TENM3: variants seen among roughly 807,000 people sequenced by gnomAD.
TENM3 encodes teneurin transmembrane protein 3.
Under a neutral mutation model 255.1 loss-of-function variants are expected in TENM3, and 63 were observed. The observed-to-expected ratio is 0.25, with a 90% confidence interval of 0.20 to 0.30. TENM3 has a LOEUF of 0.30. Ranked by LOEUF, TENM3 falls within the 10% of genes least tolerant of loss-of-function variation. The pLI is 1.00. For missense variants in TENM3, 2,929 were observed against 3,461.1 expected (o/e 0.85, Z 3.86); for synonymous variants, 1,306 against 1,322.3 (o/e 0.99, Z 0.27).
chr4:182,031,593 T>C, the TENM3 span, among the ~76,000 whole-genome samples: 3 of 152,216 alleles, frequency 2.0e-5, no homozygotes, highest in South Asian at 2.1e-4. Flanking sequence ...GTGAAGAATA[T>C]CAATGGTAGT....
At chr4:181,838,784 A>G in the TENM3 span, among the ~76,000 whole-genome samples, 1 of 151,916 alleles carries the variant, frequency 6.6e-6, no homozygotes, top group Non-Finnish European at 1.5e-5. Context: ...TTATCCTGAA[A>G]AATTGCTAGG....
At chr4:182,340,734 A>T (rs34287492) in intron 2 of TENM3, among the ~76,000 whole-genome samples, 16,934 of 152,196 alleles carry the variant, frequency 0.11, 1,120 homozygotes, top group African/African-American at 0.18. Context: ...GAACTCTGGA[A>T]GACATGGTGG....
the TENM3 span, among the ~76,000 whole-genome samples, chr4:181,576,795 T>A: frequency 1.3e-5 from 2 of 148,856 alleles, no homozygotes; most frequent in African/African-American, 4.9e-5. Context: ...ATTTTTCTTT[T>A]TCTTTTCTTT....
At chr4:181,706,559 C>A in the TENM3 span, among the ~76,000 whole-genome samples, 4 of 152,134 alleles carry the variant, frequency 2.6e-5, no homozygotes, top group African/African-American at 9.7e-5. Flanking sequence ...GGGTAGGATT[C>A]CCCAGATAAG....
chr4:181,646,520 G>A, the TENM3 span, among the ~76,000 whole-genome samples: 1 of 152,152 alleles, frequency 6.6e-6, no homozygotes, highest in Non-Finnish European at 1.5e-5. Context: ...CTTACTGTGA[G>A]TTTTACTCAG....
At chr4:182,632,482 G>T (rs1403520489) in intron 5 of TENM3, among the ~76,000 whole-genome samples, 1 of 152,096 alleles carries the variant, frequency 6.6e-6, no homozygotes, top group Non-Finnish European at 1.5e-5. Context: ...TAGGTTAAAA[G>T]GTTGTTATTT....
chr4:182,159,589 A>G (rs1454806073), intron 1 of TENM3, among the ~76,000 whole-genome samples: 1 of 152,032 alleles, frequency 6.6e-6, no homozygotes, highest in Admixed American at 6.5e-5. Flanking sequence ...CCTGCGCTGT[A>G]TTTGGCCTGT....
chr4:181,472,860 A>G, the TENM3 span, among the ~76,000 whole-genome samples: 103,260 of 151,950 alleles, frequency 0.68, 35,724 homozygotes, highest in Non-Finnish European at 0.75. Flanking sequence ...CTTACAGAAC[A>G]ATAGAAAGAA....
chr4:182,679,169 A>T (rs766256166), intron 7 of TENM3, among the ~76,000 whole-genome samples: 9 of 152,070 alleles, frequency 5.9e-5, no homozygotes, highest in Non-Finnish European at 8.8e-5. Context: ...GTAACAAACC[A>T]GCACATTCTG....
chr4:181,995,140 A>G, the TENM3 span, among the ~76,000 whole-genome samples: 3 of 152,088 alleles, frequency 2.0e-5, no homozygotes, highest in Non-Finnish European at 2.9e-5. Flanking sequence ...AGTACAGAAA[A>G]TTAGCTGGGC....
the TENM3 span, among the ~76,000 whole-genome samples, chr4:181,815,496 AT>A: frequency 4.7e-5 from 7 of 149,386 alleles, no homozygotes; most frequent in Admixed American, 2.7e-4. Flanking sequence ...GAGGAAACGA[AT>A]GATACATTAA....
intron 3 of TENM3, among the ~76,000 whole-genome samples, chr4:182,462,652 C>T (rs1732145464): frequency 6.6e-6 from 1 of 151,756 alleles, no homozygotes; most frequent in South Asian, 2.1e-4. Context: ...CTTGATATGG[C>T]CAGGTGGACG....
the TENM3 span, among the ~76,000 whole-genome samples, chr4:181,674,428 A>G: frequency 2.7e-5 from 4 of 149,462 alleles, no homozygotes. Context: ...AAAAAAAAAA[A>G]CTCATGTTAA....
the TENM3 span, among the ~76,000 whole-genome samples, chr4:181,886,498 C>T: frequency 6.6e-6 from 1 of 152,144 alleles, no homozygotes; most frequent in Non-Finnish European, 1.5e-5. Context: ...AATTAAATAA[C>T]ATTTAAATCA....
chr4:181,641,218 G>C, the TENM3 span, among the ~76,000 whole-genome samples: 5 of 151,596 alleles, frequency 3.3e-5, no homozygotes, highest in African/African-American at 1.2e-4. Flanking sequence ...TAAATTCTGG[G>C]ATACATGTGC....
chr4:182,366,115 A>C (rs1374938313), intron 3 of TENM3, among the ~76,000 whole-genome samples: 1 of 152,132 alleles, frequency 6.6e-6, no homozygotes. Context: ...ATTAAGTTGC[A>C]AATAGTTTTT....
intron 3 of TENM3, among the ~76,000 whole-genome samples, chr4:182,388,700 A>C (rs1036863300): frequency 1.3e-5 from 2 of 152,176 alleles, no homozygotes; most frequent in Non-Finnish European, 2.9e-5. Context: ...GAAATTTGCT[A>C]TTGCTTTTGT....
At chr4:182,273,449 A>G (rs1759782993) in intron 1 of TENM3, among the ~76,000 whole-genome samples, 1 of 152,244 alleles carries the variant, frequency 6.6e-6, no homozygotes, top group Admixed American at 6.5e-5. Context: ...ATTCACCCCA[A>G]GAAGCCTGAT....
chr4:181,577,220 A>C, the TENM3 span, among the ~76,000 whole-genome samples: 9 of 135,018 alleles, frequency 6.7e-5, no homozygotes, highest in Non-Finnish European at 1.4e-4. Flanking sequence ...TTTTTTTTTT[A>C]AGTAGAGATG....
Sources: allele counts gnomAD v4.1 joint callset (sites outside exome capture counted in the v4.1 genomes callset), GRCh38; gene constraint gnomAD v4.1.1; transcripts MANE v1.5; gene names NCBI Gene and HGNC (gene_info 2026-07-23, HGNC 2026-07-21).